Variants in HECTD2 observed in about 807,000 individuals in gnomAD.
HECTD2 encodes probable E3 ubiquitin-protein ligase HECTD2.
HECTD2 carries 35 observed loss-of-function variants against 103.2 expected under a neutral mutation model. That is an observed-to-expected ratio of 0.34 (90% CI 0.26 to 0.45). The LOEUF is 0.45. Among genes scored for constraint, HECTD2 ranks in the 20% least tolerant of loss-of-function variants. HECTD2 has a pLI of 1.00. For synonymous variants in HECTD2, 281 were observed against 329.9 expected (o/e 0.85, Z 1.61); for missense variants, 596 against 937.4 (o/e 0.64, Z 4.76).
In HECTD2 at chr10:91,467,360, C is replaced by T. The variant is rs143763899; in HGVS notation, c.600+5176C>T. Among the ~76,000 whole-genome samples the T allele has an allele frequency of 1.4e-3, 207 of 152,276 alleles. 2 individuals carry two copies. The highest frequency in any genetic ancestry group is 4.7e-3 in the African/African-American group (195 of 41,550). Reference sequence around the variant, plus strand: ...AGCATGGCCAGGGTTGCCCATCCCTCAAGGCTCACTGTGCTCCTCCTGGAG... The same window carrying T: ...AGCATGGCCAGGGTTGCCCATCCCTTAAGGCTCACTGTGCTCCTCCTGGAG... On this transcript the variant is annotated intron_variant, in intron 5 of 20. Transcript: ENST00000298068.
intron 5 of HECTD2, among the ~76,000 whole-genome samples, chr10:91,471,250 G>C (rs1293497775): frequency 1.3e-5 from 2 of 152,100 alleles, no homozygotes; most frequent in African/African-American, 4.8e-5. Flanking sequence ...ATGCAGAAAA[G>C]GCTTTTGATA....
intron 1 of HECTD2, 52 bp downstream of exon 1, chr10:91,410,628 G>A: frequency 1.5e-6 from 2 of 1,317,448 alleles, no homozygotes; most frequent in South Asian, 3.9e-5. Flanking sequence ...GAGTTGGGAG[G>A]GACGGCGGCC....
chr10:91,412,455 GTT>G (rs111999349), intron 1 of HECTD2, among the ~76,000 whole-genome samples: 1 of 145,404 alleles, frequency 6.9e-6, no homozygotes. Flanking sequence ...AAACTTGAGG[GTT>G]TTTTTTTTTT....
chr10:91,512,309 C>G lies in HECTD2; in HGVS notation c.2256C>G (p.Pro752=), dbSNP rs1474272521. 1 of 1,613,472 alleles carries G rather than the reference C, an allele frequency of 6.2e-7. No homozygotes were observed. The change falls in exon 21 of 21, where the codon CCC becomes CCG. Residue 752 remains proline (P), a synonymous_variant. Coordinates refer to ENST00000298068, the MANE Select transcript of HECTD2 (RefSeq NM_182765.6). ...HTCFNQLCLP[P]YKSKKDLKQK... is the part of the protein sequence containing the mutation. ...GCTTCAATCAACTTTGCCTTCCCCC[C>G]TACAAGAGCAAAAAGGATCTGAAAC...
At chr10:91,490,751 C>T (rs541755024) in intron 11 of HECTD2, among the ~76,000 whole-genome samples, 5 of 150,532 alleles carry the variant, frequency 3.3e-5, no homozygotes, top group African/African-American at 1.2e-4. Flanking sequence ...ATTAGCCGGG[C>T]GTGGTGGTGG....
chr10:91,468,939 C>CAAAAA (rs375935105), intron 5 of HECTD2, among the ~76,000 whole-genome samples: 2 of 98,436 alleles, frequency 2.0e-5, no homozygotes, highest in African/African-American at 7.6e-5. Flanking sequence ...CTGTCTCACT[C>CAAAAA]AAAAAAAAAA....
At chr10:91,467,100 G>A (rs910154255) in intron 5 of HECTD2, among the ~76,000 whole-genome samples, 1 of 152,046 alleles carries the variant, frequency 6.6e-6, no homozygotes, top group African/African-American at 2.4e-5. Flanking sequence ...CCTGGGTGGG[G>A]CTACCAAGTA....
intron 5 of HECTD2, among the ~76,000 whole-genome samples, chr10:91,477,033 T>C (rs1002917338): frequency 6.6e-6 from 1 of 150,744 alleles, no homozygotes; most frequent in Non-Finnish European, 1.5e-5. Context: ...ACAAAAAAAT[T>C]AGCCGGGCGC....
At chr10:91,464,112 G>T (rs1159234755) in intron 5 of HECTD2, among the ~76,000 whole-genome samples, 1 of 151,942 alleles carries the variant, frequency 6.6e-6, no homozygotes, top group East Asian at 1.9e-4. Context: ...CTAGCAATAG[G>T]GTATAAATTC....
In HECTD2 at chr10:91,456,745, C is replaced by T. The variant is rs554950988; in HGVS notation, c.269-3682C>T. Among the ~76,000 whole-genome samples, 3 of 151,670 alleles carry T rather than the reference C, an allele frequency of 2.0e-5. No individual in the cohort carries two copies. In the South Asian group the frequency reaches 6.2e-4, roughly 32 times the overall value. ...AAATAGCTCTTATTATTTTGAGATA[C>T]GTCAAAAAGGGGGAAAGTTTCAAAA... On this transcript the variant is annotated intron_variant, in intron 2 of 20. Transcript: ENST00000298068.
In HECTD2 at chr10:91,483,017, A is replaced by G. The variant is rs1346821193; in HGVS notation, c.762A>G (p.Leu254=). The G allele has an allele frequency of 6.3e-7, 1 of 1,592,692 alleles. No homozygotes were observed. The highest frequency in any genetic ancestry group is 1.3e-5 in the African/African-American group (1 of 74,470). The part of the protein sequence containing the change: ...TSTYVIYAHL[L]RQIATLVEAD... ...CGTATGTCATCTATGCTCACTTGCTACGACAGATAGCTACCTTAGTGGAAG... is the reference window on the plus strand; with the variant it reads ...CGTATGTCATCTATGCTCACTTGCTGCGACAGATAGCTACCTTAGTGGAAG... Residue 254 remains leucine (L), a synonymous_variant, in exon 8 of 21, where the codon CTA becomes CTG. Coordinates refer to ENST00000298068, the MANE Select transcript of HECTD2 (RefSeq NM_182765.6).
intron 19 of HECTD2, 46 bp from the exon 20 acceptor site, chr10:91,501,145 A>G (rs758187593): frequency 6.5e-7 from 1 of 1,546,230 alleles, no homozygotes; most frequent in Non-Finnish European, 8.9e-7. Flanking sequence ...TTATTATAGG[A>G]TTTTTGTCAA....
intron 10 of HECTD2, chr10:91,486,391 C>T (rs1404148576): frequency 5.3e-5 from 8 of 152,122 alleles, no homozygotes; most frequent in African/African-American, 1.7e-4. Flanking sequence ...CACAAAACAG[C>T]GCCAAGAATT....
At chr10:91,467,838 A>C (rs534779811) in intron 5 of HECTD2, among the ~76,000 whole-genome samples, 1 of 152,016 alleles carries the variant, frequency 6.6e-6, no homozygotes, top group South Asian at 2.1e-4. Flanking sequence ...CAATCATGCC[A>C]CCATTGCTGC....
At chr10:91,463,364 G>A (rs1011992314) in intron 5 of HECTD2, 3 of 152,280 alleles carry the variant, frequency 2.0e-5, no homozygotes, top group Admixed American at 6.6e-5. Context: ...TGAGTAGGCT[G>A]AGGAAGAGGA....
At chr10:91,505,089 A>T (rs1367912519) in intron 20 of HECTD2, among the ~76,000 whole-genome samples, 1 of 152,002 alleles carries the variant, frequency 6.6e-6, no homozygotes, top group Non-Finnish European at 1.5e-5. Context: ...TTTTGTCACC[A>T]CCAGGCCTGC....
intron 2 of HECTD2, among the ~76,000 whole-genome samples, chr10:91,452,644 C>T (rs140090339): frequency 2.4e-4 from 37 of 152,104 alleles, no homozygotes; most frequent in African/African-American, 8.4e-4. Context: ...TCAGCCCCCT[C>T]ACCATGTGAT....
chr10:91,463,701 A>G (rs947795468), intron 5 of HECTD2: 2 of 152,218 alleles, frequency 1.3e-5, no homozygotes, highest in African/African-American at 4.8e-5. Context: ...GTACTTCACT[A>G]TTAAATATAA....
At chr10:91,410,632 G>T in intron 1 of HECTD2, 56 bp downstream of exon 1, 1 of 1,314,344 alleles carries the variant, frequency 7.6e-7, no homozygotes, top group South Asian at 2.0e-5. Context: ...TGGGAGGGAC[G>T]GCGGCCGGGC....
Sources: allele counts gnomAD v4.1 joint callset (sites outside exome capture counted in the v4.1 genomes callset), GRCh38; gene constraint gnomAD v4.1.1; transcripts MANE v1.5; gene names NCBI Gene and HGNC (gene_info 2026-07-23, HGNC 2026-07-21).